SLC1A2: variants seen among roughly 807,000 people sequenced by gnomAD.
SLC1A2 encodes solute carrier family 1 member 2, also known as excitatory amino acid transporter 2.
A neutral mutation model predicts 48.8 loss-of-function variants in SLC1A2; 15 were observed. That is an observed-to-expected ratio of 0.31 (90% confidence interval 0.21 to 0.47). The LOEUF is 0.47. Among genes scored for constraint, SLC1A2 ranks in the 20% least tolerant of loss-of-function variants. The pLI is 0.99. For missense variants in SLC1A2, 502 were observed against 730.5 expected (o/e 0.69, Z 3.61); for synonymous variants, 279 against 272.6 (o/e 1.02, Z -0.23).
chr11:35,314,946 T>G lies in SLC1A2; in HGVS notation c.310+77A>C. On this transcript the variant is annotated intron_variant, in intron 3 of 10. Transcript: ENST00000278379. ...AGACGATCACATTCACTCAACCAAA[T>G]TGAGATTCTACAGTTAATTAAAAGC... is the stretch of plus-strand genomic sequence containing the variant. 5 of 1,052,662 alleles carry G rather than the reference T, an allele frequency of 4.7e-6. No individual in the cohort carries two copies. The East Asian group carries it at 9.6e-5, about 20-fold the overall frequency. 65.2% of individuals were successfully genotyped at this position (1,052,662 alleles called of 1,614,324 possible). A position where few individuals can be genotyped will look rare whatever the true frequency, so the allele number is the denominator to read the frequency against.
rs945898026 is a variant in SLC1A2, at chr11:35,419,468, C to T, written c.-502G>A. On this transcript the variant is annotated 5_prime_UTR_variant, in exon 1 of 11. Transcript: ENST00000278379. This position sits in a 1 kb window ranked among gnomAD's most constrained non-coding sequence, Gnocchi z 5.4. ...AGGCCGCTGCGCTCTGGCTCGGCGC[C>T]GGCCAGGGAGGGATTGCAAGGTTTA... 6 of 164,984 alleles carry T rather than the reference C, an allele frequency of 3.6e-5. No homozygotes were observed. The highest frequency in any genetic ancestry group is 7.8e-5 in the Non-Finnish European group (6 of 76,688). The allele number at this position is 164,984 out of a possible 1,614,324, so 10.2% of individuals were successfully genotyped here. A position where few individuals can be genotyped will look rare whatever the true frequency, so the allele number is the denominator to read the frequency against.
intron 1 of SLC1A2, among the ~76,000 whole-genome samples, chr11:35,378,590 C>T (rs115628915): frequency 6.6e-6 from 1 of 152,272 alleles, no homozygotes; most frequent in African/African-American, 2.4e-5. Flanking sequence ...AGATTAAGAA[C>T]CTTTCCAATG....
intron 1 of SLC1A2, among the ~76,000 whole-genome samples, chr11:35,349,104 T>C (rs1447225739): frequency 6.6e-6 from 1 of 151,720 alleles, no homozygotes; most frequent in Non-Finnish European, 1.5e-5. Flanking sequence ...CAGGTGGACA[T>C]AGAGGGAGGT....
Position 35,292,353 on chromosome 11 carries a change from T to C in SLC1A2, c.1025A>G (p.Lys342Arg). ...GCCAGCAAAAAAGGAGAAGGGGTTT[T>C]TCCTGGTCACTACAAAGTAAATCAA... The part of the protein sequence containing the change: ...LPLIYFVVTR[K>R]NPFSFFAGIF... Residue 342 changes from lysine (K) to arginine (R), a missense_variant, in exon 7 of 11, where the codon AAA (lysine) becomes AGA (arginine). By Grantham distance (26) the Lys-to-Arg change is conservative. Around this residue, in one of 4 missense-constraint regions of SLC1A2, gnomAD observed 309 missense variants for 480.3 expected, o/e 0.64. Coordinates refer to ENST00000278379, the MANE Select transcript of SLC1A2 (RefSeq NM_004171.4). 6.2e-7 allele frequency: 1 copy of C among 1,614,060 alleles called. No homozygotes were observed. The highest frequency in any genetic ancestry group is 8.5e-7 in the Non-Finnish European group (1 of 1,179,956).
intron 8 of SLC1A2, among the ~76,000 whole-genome samples, chr11:35,284,069 G>T (rs1261552039): frequency 9.0e-6 from 1 of 111,132 alleles, no homozygotes; most frequent in Non-Finnish European, 1.9e-5. Flanking sequence ...AATTCATAGG[G>T]TGGTTGTGAA....
At chr11:35,350,566 T>C (rs1853214569) in intron 1 of SLC1A2, among the ~76,000 whole-genome samples, 1 of 152,222 alleles carries the variant, frequency 6.6e-6, no homozygotes, top group African/African-American at 2.4e-5. Context: ...AGTCAACATA[T>C]GCTGCTTCCT....
chr11:35,259,827 T>C lies in SLC1A2; in HGVS notation c.*1067A>G, dbSNP rs1950367867. ...TCAACATATTGGATAAATACCAGTA[T>C]TTTTGTTTCATCAAGAGATGACATT... On this transcript the variant is annotated 3_prime_UTR_variant, in exon 11 of 11. Coordinates refer to ENST00000278379, the MANE Select transcript of SLC1A2 (RefSeq NM_004171.4). 6.6e-6 allele frequency: 1 copy of C among 152,226 alleles called. No homozygotes were observed. Among genetic ancestry groups the C allele is most frequent in the Admixed American group, 6.5e-5 (1 of 15,290 alleles). 9.4% of individuals were successfully genotyped at this position (152,226 alleles called of 1,614,324 possible).
rs775518185 is a variant in SLC1A2, at chr11:35,312,166, G to A, written c.561+32C>T. ...TATCGCCTTGATAACTTAGAGGACTGGAGAAGAGAGAACATCTGAACTCTG... is the reference window on the plus strand; with the variant it reads ...TATCGCCTTGATAACTTAGAGGACTAGAGAAGAGAGAACATCTGAACTCTG... On this transcript the variant is annotated intron_variant, in intron 4 of 10. Coordinates refer to ENST00000278379, the MANE Select transcript of SLC1A2 (RefSeq NM_004171.4). 7.5e-5 allele frequency: 121 copies of A among 1,609,846 alleles called. No homozygotes were observed. In the Admixed American group the frequency reaches 1.9e-3, roughly 26 times the overall value.
chr11:35,307,535 T>C (rs1376761629), intron 4 of SLC1A2, among the ~76,000 whole-genome samples: 2 of 152,140 alleles, frequency 1.3e-5, no homozygotes, highest in Non-Finnish European at 2.9e-5. Context: ...GGCATTAAAA[T>C]AGAACTCAAT....
chr11:35,310,243 TC>T (rs1396368494), intron 4 of SLC1A2, among the ~76,000 whole-genome samples: 1 of 152,130 alleles, frequency 6.6e-6, no homozygotes, highest in African/African-American at 2.4e-5. Flanking sequence ...TCTCCCCCAA[TC>T]TACTACCAGC....
At chr11:35,371,969 AGC>A (rs1854076770) in intron 1 of SLC1A2, among the ~76,000 whole-genome samples, 1 of 152,214 alleles carries the variant, frequency 6.6e-6, no homozygotes, top group Non-Finnish European at 1.5e-5. Flanking sequence ...AGAGTTCTGG[AGC>A]CACTAATACT....
intron 1 of SLC1A2, among the ~76,000 whole-genome samples, chr11:35,412,868 T>C (rs1489785789): frequency 6.6e-6 from 1 of 152,212 alleles, no homozygotes; most frequent in Non-Finnish European, 1.5e-5. Context: ...GCACTGCCTC[T>C]AGACCAGACA....
chr11:35,301,529 T>A lies in SLC1A2; in HGVS notation c.847A>T (p.Met283Leu). The A allele has an allele frequency of 6.2e-7, 1 of 1,613,738 alleles. No homozygotes were observed. Among genetic ancestry groups the A allele is most frequent in the Non-Finnish European group, 8.5e-7 (1 of 1,179,736 alleles). Reference sequence around the variant, plus strand: ...AACAAGGCCACTTACCACATGATCATGATCACTAACTTCATTACAATCTCA... The same window carrying A: ...AACAAGGCCACTTACCACATGATCAAGATCACTAACTTCATTACAATCTCA... ...LNEIVMKLVI[M>L]IMWYSPLGIA... Residue 283 changes from methionine (M) to leucine (L), a missense_variant, in exon 6 of 11, where the codon ATG becomes TTG. Around this residue, in one of 4 missense-constraint regions of SLC1A2, gnomAD observed 309 missense variants for 480.3 expected, o/e 0.64. Transcript: ENST00000278379.
chr11:35,380,450 T>A lies in SLC1A2; in HGVS notation c.17+38500A>T, dbSNP rs941494743. ...GCGAGTTATTCTAGGTGATCTCTTG[T>A]TAAAGAGTTTTATTTTAAATCCCAG... On this transcript the variant is annotated intron_variant, in intron 1 of 10. Transcript: ENST00000278379. The A allele has an allele frequency of 2.3e-5, 9 of 398,500 alleles. No individual in the cohort carries two copies. The East Asian group carries it at 3.2e-4, about 14-fold the overall frequency. 24.7% of individuals were successfully genotyped at this position (398,500 alleles called of 1,614,324 possible). A position where few individuals can be genotyped will look rare whatever the true frequency, so the allele number is the denominator to read the frequency against.
At chr11:35,315,977 G>C (rs1851863503) in intron 2 of SLC1A2, 1 of 152,216 alleles carries the variant, frequency 6.6e-6, no homozygotes. Context: ...CCAAGCTAGT[G>C]TGAATTCTAT....
intron 6 of SLC1A2, among the ~76,000 whole-genome samples, chr11:35,293,668 T>A (rs1385164631): frequency 6.6e-6 from 1 of 152,186 alleles, no homozygotes; most frequent in East Asian, 1.9e-4. Flanking sequence ...AGAGAAAGAC[T>A]ATGGGGAGAA....
At chr11:35,374,845 T>G (rs980557103) in intron 1 of SLC1A2, among the ~76,000 whole-genome samples, 1 of 152,208 alleles carries the variant, frequency 6.6e-6, no homozygotes, top group Non-Finnish European at 1.5e-5. Context: ...TTAAGATATA[T>G]CTATATATAT....
At position 35,375,852 on chromosome 11, in the gene SLC1A2, C is replaced by T. The variant is rs1293108984; in HGVS notation, c.17+43098G>A. Among the ~76,000 whole-genome samples the T allele has an allele frequency of 1.3e-5, 2 of 152,164 alleles. 1 individual carries two copies. Among genetic ancestry groups the T allele is most frequent in the African/African-American group, 4.8e-5 (2 of 41,432 alleles). On this transcript the variant is annotated intron_variant, in intron 1 of 10. Transcript: ENST00000278379. Reference sequence around the variant, plus strand: ...CTTCATACTTCTACTTGATCTTCACCGTGACCCTAAGAATTGATTCTATTA... The same window carrying T: ...CTTCATACTTCTACTTGATCTTCACTGTGACCCTAAGAATTGATTCTATTA...
chr11:35,384,458 G>A (rs935955154), intron 1 of SLC1A2, among the ~76,000 whole-genome samples: 1 of 152,144 alleles, frequency 6.6e-6, no homozygotes, highest in African/African-American at 2.4e-5. Context: ...ACTCCTTCTT[G>A]AATAAGGAAG....
Sources: allele counts gnomAD v4.1 joint callset (sites outside exome capture counted in the v4.1 genomes callset), GRCh38; gene constraint gnomAD v4.1.1; regional missense constraint gnomAD v4.1.1; non-coding constraint Gnocchi (gnomAD v3.1); transcripts MANE v1.5; gene names NCBI Gene and HGNC (gene_info 2026-07-23, HGNC 2026-07-21).